Variants in MYBPC1 observed in about 807,000 individuals in gnomAD.
The protein encoded by MYBPC1 is myosin binding protein C1.
Under a neutral mutation model 147.1 loss-of-function variants are expected in MYBPC1, and 52 were observed. That is an observed-to-expected ratio of 0.35 (90% confidence interval 0.28 to 0.45). The LOEUF is 0.45. Among genes scored for constraint, MYBPC1 ranks in the 20% least tolerant of loss-of-function variants. The pLI is 1.00. For synonymous variants in MYBPC1, 477 were observed against 475.9 expected, an observed-to-expected ratio of 1.00 and a Z score of -0.03; for missense variants, 1,228 against 1,440.3, an observed-to-expected ratio of 0.85 and a Z score of 2.39.
downstream of MYBPC1, among the ~76,000 whole-genome samples, chr12:101,688,883 G>A (rs1412348627): frequency 6.6e-6 from 1 of 150,798 alleles, no homozygotes; most frequent in Admixed American, 6.6e-5. Flanking sequence ...AACCCAGGAG[G>A]TGGAGATTGC....
At chr12:101,623,625 G>A (rs1009033282) in intron 3 of MYBPC1, among the ~76,000 whole-genome samples, 4 of 152,212 alleles carry the variant, frequency 2.6e-5, no homozygotes, top group African/African-American at 7.2e-5. Flanking sequence ...TGGTTCAAGC[G>A]TCCAGTTTAT....
At chr12:101,631,000 T>C (rs1043559655) in intron 6 of MYBPC1, among the ~76,000 whole-genome samples, 1 of 152,122 alleles carries the variant, frequency 6.6e-6, no homozygotes, top group Non-Finnish European at 1.5e-5. Context: ...TGTACGACAT[T>C]GAAATGCTGG....
At chr12:101,615,662 G>A (rs964506160) in intron 2 of MYBPC1, among the ~76,000 whole-genome samples, 3 of 43,462 alleles carry the variant, frequency 6.9e-5, no homozygotes, top group East Asian at 1.6e-3. Context: ...AGAACCCCCC[G>A]CCCCCCCCCC....
intron 15 of MYBPC1, among the ~76,000 whole-genome samples, 181 bp downstream of exon 15, chr12:101,649,607 G>A (rs11110915): frequency 0.026 from 4,018 of 152,212 alleles, 258 homozygotes; most frequent in East Asian, 0.25. Flanking sequence ...AAGGAACCAC[G>A]ACTCAATTTA....
rs1555246230 is a variant in MYBPC1, at chr12:101,659,945, T to TTGCCTAGAGGACTTTTTTTTTG, written c.1927+115_1927+116insGCCTAGAGGACTTTTTTTTTGT. On this transcript the variant is annotated intron_variant, in intron 19 of 31. Coordinates refer to ENST00000361466, the MANE Select transcript of MYBPC1 (RefSeq NM_002465.4). ...TTCCTTCCTTTGTCTTTCCCTTATC[T>TTGCCTAGAGGACTTTTTTTTTG]TCTTTTTTTTTCTTGCCTAGAGGAC... The TTGCCTAGAGGACTTTTTTTTTG allele has an allele frequency of 7.4e-4, 986 of 1,336,262 alleles. 9 individuals carry two copies. The African/African-American group carries it at 0.012, about 17-fold the overall frequency. 82.8% of individuals were successfully genotyped at this position (1,336,262 alleles called of 1,614,324 possible).
chr12:101,641,747 C>T (rs766926955), intron 10 of MYBPC1, among the ~76,000 whole-genome samples: 3 of 151,398 alleles, frequency 2.0e-5, no homozygotes, highest in Admixed American at 6.6e-5. Context: ...TTCCCCCTGC[C>T]GATTTAGAAA....
At chr12:101,652,502 G>A (rs1258672783) in intron 16 of MYBPC1, among the ~76,000 whole-genome samples, 176 bp from the exon 17 acceptor site, 1 of 151,882 alleles carries the variant, frequency 6.6e-6, no homozygotes, top group Non-Finnish European at 1.5e-5. Context: ...GAATCAATAA[G>A]TAGGATAATT....
At chr12:101,684,548 A>T in intron 31 of MYBPC1, 124 bp downstream of exon 31, 1 of 739,908 alleles carries the variant, frequency 1.4e-6, no homozygotes, top group African/African-American at 1.8e-5. Context: ...TAAATCCCTA[A>T]CTTTGTAGTT....
intron 3 of MYBPC1, among the ~76,000 whole-genome samples, chr12:101,619,509 T>C (rs927505056): frequency 6.6e-6 from 1 of 152,232 alleles, no homozygotes; most frequent in Non-Finnish European, 1.5e-5. Flanking sequence ...GCAAAATGAA[T>C]GAGCAGTTGA....
intron 5 of MYBPC1, chr12:101,628,069 C>G (rs1359100302): frequency 4.1e-5 from 17 of 415,508 alleles, no homozygotes; most frequent in Non-Finnish European, 2.7e-5. Context: ...ACACAGAGAT[C>G]AATCTTCATT....
intron 27 of MYBPC1, among the ~76,000 whole-genome samples, chr12:101,677,816 G>A (rs1424113771): frequency 3.3e-5 from 5 of 151,854 alleles, no homozygotes; most frequent in Non-Finnish European, 7.4e-5. Flanking sequence ...AACCTTCCTT[G>A]TGTATTTTCA....
chr12:101,642,487 G>A lies in MYBPC1; in HGVS notation c.734G>A (p.Ser245Asn), dbSNP rs1274004448. ...VWELLKNAKP[S>N]EYEKIAFQYG... ...GAGTTGCTGAAGAACGCGAAACCCA[G>A]TGAGTACGAGAAGATCGCCTTCCAG... Residue 245 changes from serine (S) to asparagine (N), a missense_variant, in exon 11 of 32, where the codon AGT becomes AAT. By Grantham distance (46) the Ser-to-Asn change is conservative. Coordinates refer to ENST00000361466, the MANE Select transcript of MYBPC1 (RefSeq NM_002465.4). 1.2e-6 allele frequency: 2 copies of A among 1,613,974 alleles called. No individual in the cohort carries two copies. Among genetic ancestry groups the A allele is most frequent in the Non-Finnish European group, 8.5e-7 (1 of 1,180,038 alleles).
intron 23 of MYBPC1, chr12:101,669,979 T>C: frequency 2.4e-6 from 1 of 411,420 alleles, no homozygotes; most frequent in Non-Finnish European, 4.5e-6. Context: ...GCATAGTATG[T>C]ATAAGGCCCT....
At chr12:101,599,802 C>A (rs6538998) in intron 1 of MYBPC1, among the ~76,000 whole-genome samples, 1 of 151,916 alleles carries the variant, frequency 6.6e-6, no homozygotes, top group Non-Finnish European at 1.5e-5. Flanking sequence ...GTTGTATGAA[C>A]GAATGCCATC....
At chr12:101,656,836 A>G (rs939334722) in intron 18 of MYBPC1, among the ~76,000 whole-genome samples, 1 of 152,190 alleles carries the variant, frequency 6.6e-6, no homozygotes, top group Non-Finnish European at 1.5e-5. Context: ...CAACAGCACT[A>G]TCAATCAATT....
chr12:101,667,802 A>G lies in MYBPC1; in HGVS notation c.2427A>G (p.Thr809=). The G allele has an allele frequency of 6.2e-7, 1 of 1,614,236 alleles. No homozygotes were observed. The highest frequency in any genetic ancestry group is 8.5e-7 in the Non-Finnish European group (1 of 1,180,046). Residue 809 remains threonine, a synonymous_variant, in exon 23 of 32, where the codon ACA becomes ACG. Transcript: ENST00000361466. The stretch of plus-strand genomic sequence containing the variant: ...AGTTCACCATCACAGGTCTGCCAAC[A>G]GATGCAAAGATCTTTGTGCGTGTGA... ...KTKFTITGLP[T]DAKIFVRVKA... is the part of the protein sequence containing the mutation.
the MYBPC1 span, among the ~76,000 whole-genome samples, chr12:101,692,900 G>A: frequency 6.6e-6 from 1 of 151,598 alleles, no homozygotes; most frequent in Non-Finnish European, 1.5e-5. Flanking sequence ...AATCAATTTA[G>A]AGCATGATGA....
At chr12:101,633,887 C>A (rs564316416) in intron 8 of MYBPC1, among the ~76,000 whole-genome samples, 100 of 148,150 alleles carry the variant, frequency 6.7e-4, no homozygotes, top group African/African-American at 2.4e-3. Flanking sequence ...AGAAGATCAC[C>A]TGGAGGGCTT....
At chr12:101,653,387 T>A in intron 18 of MYBPC1, 139 bp downstream of exon 18, 1 of 1,200,418 alleles carries the variant, frequency 8.3e-7, no homozygotes. Context: ...ATGTAATTCC[T>A]TTGAAAAAGA....
Sources: allele counts gnomAD v4.1 joint callset (sites outside exome capture counted in the v4.1 genomes callset), GRCh38; gene constraint gnomAD v4.1.1; transcripts MANE v1.5; gene names NCBI Gene and HGNC (gene_info 2026-07-23, HGNC 2026-07-21).